Variants in DYRK3 observed in about 807,000 individuals in gnomAD.
DYRK3 encodes the protein dual specificity tyrosine phosphorylation regulated kinase 3.
DYRK3 carries 30 observed loss-of-function variants against 40.8 expected under a neutral mutation model. The ratio of observed to expected loss-of-function variants is 0.74; its 90% CI spans 0.55 to 1.00. DYRK3 has a LOEUF of 1.00. DYRK3 is among the 50% of genes least tolerant of loss of function. The probability of loss-of-function intolerance (pLI) is 0.00; values close to 1 mark genes in which losing one functional copy is unlikely to be tolerated. For missense variants in DYRK3, 699 were observed against 731.5 expected (o/e 0.96, Z 0.51); for synonymous variants, 272 against 260.7 (o/e 1.04, Z -0.42).
Position 206,648,701 on chromosome 1 carries a change from G to A in DYRK3, c.1503G>A (p.Arg501=). The change falls in exon 3 of 3, where the codon AGG becomes AGA. Residue 501 remains arginine, a synonymous_variant. Coordinates refer to ENST00000367109, the MANE Select transcript of DYRK3 (RefSeq NM_003582.4). ...DDYLFIEFLK[R]CLHWDPSARL... is the part of the protein sequence containing the mutation. ...ACTTGTTTATAGAGTTCTTGAAAAGGTGTCTTCACTGGGACCCCTCTGCCC... is the reference window on the plus strand; with the variant it reads ...ACTTGTTTATAGAGTTCTTGAAAAGATGTCTTCACTGGGACCCCTCTGCCC... 1 of 1,614,008 alleles carries A rather than the reference G, an allele frequency of 6.2e-7. No individual in the cohort carries two copies. Among genetic ancestry groups the A allele is most frequent in the South Asian group, 1.1e-5 (1 of 91,066 alleles).
intron 2 of DYRK3, among the ~76,000 whole-genome samples, chr1:206,647,017 G>T (rs1400791131): frequency 6.6e-6 from 1 of 152,144 alleles, no homozygotes; most frequent in African/African-American, 2.4e-5. Context: ...GTTCTAAGTG[G>T]AAGAGAGAGG....
chr1:206,647,974 A>G lies in DYRK3; in HGVS notation c.776A>G (p.His259Arg), dbSNP rs781936999. ...GCTGAGGAGATCCGGATTTTGGAGC[A>G]TCTTAAGAAACAGGATAAAACTGGT... is the stretch of plus-strand genomic sequence containing the variant. The part of the protein sequence containing the change: ...QAAEEIRILE[H>R]LKKQDKTGSM... Residue 259 changes from histidine to arginine, a missense_variant, in exon 3 of 3, where the codon CAT (histidine) becomes CGT (arginine). Transcript: ENST00000367109. 1.2e-6 allele frequency: 2 copies of G among 1,614,178 alleles called. No individual in the cohort carries two copies. The highest frequency in any genetic ancestry group is 2.2e-5 in the South Asian group (2 of 91,074).
rs1226327510 is a variant in DYRK3 at position 206,650,125 on chromosome 1, A to C, written c.*1160A>C. On this transcript the variant is annotated 3_prime_UTR_variant, in exon 3 of 3. Coordinates refer to ENST00000367109, the MANE Select transcript of DYRK3 (RefSeq NM_003582.4). ...TTAAACAGTGAGGGCTGATAATAAA[A>C]CTAATTGTTAAGCCAGTGTCCTACT... is the stretch of plus-strand genomic sequence containing the variant. Among the ~76,000 whole-genome samples, 3 of 152,232 alleles carry C rather than the reference A, an allele frequency of 2.0e-5. No individual in the cohort carries two copies. Among genetic ancestry groups the C allele is most frequent in the Non-Finnish European group, 4.4e-5 (3 of 68,046 alleles).
intron 2 of DYRK3, 41 bp downstream of exon 2, chr1:206,637,802 G>T: frequency 2.0e-6 from 3 of 1,515,792 alleles, no homozygotes; most frequent in Non-Finnish European, 2.7e-6. Context: ...AATTGTTTTG[G>T]AAAGGAGGAA....
chr1:206,643,507 G>A (rs935172845), intron 2 of DYRK3, among the ~76,000 whole-genome samples: 2 of 152,146 alleles, frequency 1.3e-5, no homozygotes, highest in Admixed American at 6.5e-5. Flanking sequence ...AGGGACAGAC[G>A]CTGCACCACA....
At chr1:206,637,577 A>G in intron 1 of DYRK3, 73 bp from the exon 2 acceptor site, 1 of 998,736 alleles carries the variant, frequency 1.0e-6, no homozygotes, top group East Asian at 2.4e-5. Context: ...TGTAGCAGAT[A>G]TGAAGCAGTT....
Position 206,652,785 on chromosome 1 carries a change from C to CA in DYRK3, c.*3821dup, listed in dbSNP as rs1315576220. ...TAAAAGTTTCACTTGGATCCCTGCC[C>CA]AGCCATAGCAATGAGTGACTGAATT... On this transcript the variant is annotated 3_prime_UTR_variant, in exon 3 of 3. Transcript: ENST00000367109. Among the ~76,000 whole-genome samples the CA allele has an allele frequency of 1.3e-5, 2 of 152,184 alleles. No homozygotes were observed. Among genetic ancestry groups the CA allele is most frequent in the Non-Finnish European group, 2.9e-5 (2 of 68,030 alleles).
rs368013342 is a variant in DYRK3, at chr1:206,639,130, C to T, written c.189+1369C>T. Among the ~76,000 whole-genome samples the T allele has an allele frequency of 9.3e-4, 142 of 152,270 alleles. 3 individuals are homozygous for T. In the South Asian group the frequency reaches 0.029, roughly 31 times the overall value. ...CTGACCTTAAGTGGTCCACTTCCCTCGGCCTCTGGAAGTGCTGGGATTACA... is the reference window on the plus strand; with the variant it reads ...CTGACCTTAAGTGGTCCACTTCCCTTGGCCTCTGGAAGTGCTGGGATTACA... On this transcript the variant is annotated intron_variant, in intron 2 of 2. Transcript: ENST00000367109.
intron 1 of DYRK3, 158 bp downstream of exon 1, chr1:206,635,938 C>T (rs536237508): frequency 2.3e-6 from 3 of 1,318,246 alleles, no homozygotes; most frequent in South Asian, 4.4e-5. Context: ...CACCTCCTCT[C>T]TATCAGGGCC....
Position 206,647,894 on chromosome 1 carries a change from A to C in DYRK3, c.696A>C (p.Arg232=), listed in dbSNP as rs1484752077. The C allele has an allele frequency of 1.4e-5, 22 of 1,614,100 alleles. No homozygotes were observed. The highest frequency in any genetic ancestry group is 1.8e-5 in the Non-Finnish European group (21 of 1,180,018). The change falls in exon 3 of 3, where the codon CGA becomes CGC. Residue 232 remains arginine (R), a synonymous_variant. Transcript: ENST00000367109. ...QVARVYDHKL[R]QYVALKMVRN... ...CCAGGGTCTATGATCACAAACTTCG[A>C]CAGTACGTGGCCCTAAAAATGGTGC...
In DYRK3 at chr1:206,649,001, A is replaced by G. The variant is rs1671555724; in HGVS notation, c.*36A>G. On this transcript the variant is annotated 3_prime_UTR_variant, in exon 3 of 3. Coordinates refer to ENST00000367109, the MANE Select transcript of DYRK3 (RefSeq NM_003582.4). Reference sequence around the variant, plus strand: ...TATGCCCAGAGATGCATATGTGTATATTTTTATGATCTTACAAACCTGCAA... The same window carrying G: ...TATGCCCAGAGATGCATATGTGTATGTTTTTATGATCTTACAAACCTGCAA... 6.5e-7 allele frequency: 1 copy of G among 1,533,088 alleles called. No individual in the cohort carries two copies. The highest frequency in any genetic ancestry group is 1.4e-5 in the African/African-American group (1 of 72,898). 95.0% of individuals were successfully genotyped at this position (1,533,088 alleles called of 1,614,324 possible).
At position 206,648,949 on chromosome 1, in the gene DYRK3, CAAA is replaced by C; in HGVS notation, c.1753_1755del (p.Lys585del). The C allele has an allele frequency of 6.2e-7, 1 of 1,610,124 alleles. No individual in the cohort carries two copies. Among genetic ancestry groups the C allele is most frequent in the Middle Eastern group, 1.7e-4 (1 of 6,060 alleles). On this transcript the variant is annotated inframe_deletion, in exon 3 of 3. Coordinates refer to ENST00000367109, the MANE Select transcript of DYRK3 (RefSeq NM_003582.4). ...AGTATACCCCTATGCAGTGTATTGC[CAAA>C]ACTGATTAGCTAGTGGACAGAGATA...
Position 206,638,874 on chromosome 1 carries a change from C to CTT in DYRK3, c.189+1132_189+1133dup, listed in dbSNP as rs782152819. Among the ~76,000 whole-genome samples the CTT allele has an allele frequency of 9.9e-3, 1,289 of 130,556 alleles. 24 individuals carry two copies. The highest frequency in any genetic ancestry group is 0.035 in the African/African-American group (1,225 of 34,892). The allele number at this position is 130,556 out of a possible 152,430, so 85.6% of individuals were successfully genotyped here. A position where few individuals can be genotyped will look rare whatever the true frequency, so the allele number is the denominator to read the frequency against. Reference sequence around the variant, plus strand: ...TTTTTGCTTAAAATCAACCTTTTTCCTTTTTTTTTTTTTTTTTTTTCCTGA... The same window carrying CTT: ...TTTTTGCTTAAAATCAACCTTTTTCCTTTTTTTTTTTTTTTTTTTTTTCCTGA... On this transcript the variant is annotated intron_variant, in intron 2 of 2. Transcript: ENST00000367109.
At chr1:206,636,083 G>C (rs1165774587) in intron 1 of DYRK3, 5 of 1,510,938 alleles carry the variant, frequency 3.3e-6, no homozygotes, top group Non-Finnish European at 4.5e-6. Context: ...GAAAATCTAG[G>C]ACTTTTTGTG....
Position 206,642,811 on chromosome 1 carries a change from A to T in DYRK3, c.190-4577A>T, listed in dbSNP as rs530115530. Among the ~76,000 whole-genome samples, 218 of 152,156 alleles carry T rather than the reference A, an allele frequency of 1.4e-3. 2 individuals are homozygous for T. The highest frequency in any genetic ancestry group is 5.2e-3 in the African/African-American group (214 of 41,502). On this transcript the variant is annotated intron_variant, in intron 2 of 2. Transcript: ENST00000367109. ...GAGGGGGGAGGGATAGCATTAGGAG[A>T]TATACCTAATGTAAATGACGAGTTA...
At chr1:206,644,795 C>T (rs1671402952) in intron 2 of DYRK3, among the ~76,000 whole-genome samples, 1 of 152,224 alleles carries the variant, frequency 6.6e-6, no homozygotes, top group Non-Finnish European at 1.5e-5. Flanking sequence ...CCGCCTCGGC[C>T]TTCCAAAGTG....
chr1:206,653,164 C>T lies in DYRK3; in HGVS notation c.*4199C>T, dbSNP rs782597395. 6.6e-6 allele frequency among the ~76,000 whole-genome samples: 1 copy of T among 152,100 alleles called. No individual in the cohort carries two copies. The highest frequency in any genetic ancestry group is 1.5e-5 in the Non-Finnish European group (1 of 68,030). ...TCCAGAGTAACTGGGACTACAGTCACGTGCTACCATGCCTGGCTAATTTTT... is the reference window on the plus strand; with the variant it reads ...TCCAGAGTAACTGGGACTACAGTCATGTGCTACCATGCCTGGCTAATTTTT... On this transcript the variant is annotated 3_prime_UTR_variant, in exon 3 of 3. Coordinates refer to ENST00000367109, the MANE Select transcript of DYRK3 (RefSeq NM_003582.4).
In DYRK3 at chr1:206,649,968, T is replaced by C. The variant is rs1558560751; in HGVS notation, c.*1003T>C. 6.6e-6 allele frequency among the ~76,000 whole-genome samples: 1 copy of C among 152,244 alleles called. No homozygotes were observed. Among genetic ancestry groups the C allele is most frequent in the African/African-American group, 2.4e-5 (1 of 41,468 alleles). On this transcript the variant is annotated 3_prime_UTR_variant, in exon 3 of 3. Transcript: ENST00000367109. ...ACTTTCACGTTAAGCTTAATGCTAT[T>C]CCCTAGATCTGAGTGAACTTCAGTT...
chr1:206,648,792 A>G lies in DYRK3; in HGVS notation c.1594A>G (p.Thr532Ala), dbSNP rs371457547. ...ISKSVPRPLT[T>A]IDKVSGKRVV... is the part of the protein sequence containing the mutation. ...CAAGTCTGTCCCCAGACCTCTCACC[A>G]CCATAGACAAGGTGTCAGGGAAACG... The change falls in exon 3 of 3, where the codon ACC becomes GCC. Residue 532 changes from threonine to alanine, a missense_variant. Transcript: ENST00000367109. 3 of 1,614,022 alleles carry G rather than the reference A, an allele frequency of 1.9e-6. No individual in the cohort carries two copies. In the African/African-American group the frequency reaches 4.0e-5, roughly 22 times the overall value.
Sources: gnomAD v4.1 joint callset for allele counts (sites outside exome capture counted in the v4.1 genomes callset) on GRCh38, gnomAD v4.1.1 for gene constraint, MANE v1.5 for transcripts, NCBI Gene and HGNC (gene_info 2026-07-23, HGNC 2026-07-21) for gene names.